The following TGM7 variants were observed in gnomAD, a reference collection of about 807,000 sequenced individuals.
TGM7 encodes protein-glutamine gamma-glutamyltransferase Z.
In TGM7, 74 loss-of-function variants were observed where a neutral mutation model predicts 79.5. The observed-to-expected ratio is 0.93, with a 90% CI of 0.77 to 1.13. The LOEUF (loss-of-function observed/expected upper bound fraction) is 1.13. Among genes scored for constraint, TGM7 ranks in the 50% most tolerant of loss-of-function variants. The pLI is 0.00. For missense variants in TGM7, 912 were observed against 905.9 expected, an observed-to-expected ratio of 1.01 and a Z score of -0.09; for synonymous variants, 354 against 362.5, an observed-to-expected ratio of 0.98 and a Z score of 0.27.
chr15:43,280,552 G>A (rs1347757195), intron 9 of TGM7, among the ~76,000 whole-genome samples: 1 of 152,154 alleles, frequency 6.6e-6, no homozygotes, highest in Non-Finnish European at 1.5e-5. Context: ...GAACCCAGGA[G>A]GTGGAGGTTG....
At position 43,286,252 on chromosome 15, in the gene TGM7, G is replaced by A. The variant is rs563077370; in HGVS notation, c.865+1028C>T. Among the ~76,000 whole-genome samples the A allele has an allele frequency of 5.3e-5, 8 of 152,294 alleles. No individual in the cohort carries two copies. The South Asian group carries it at 1.0e-3, about 20-fold the overall frequency. On this transcript the variant is annotated intron_variant, in intron 6 of 12. Coordinates refer to ENST00000452443, the MANE Select transcript of TGM7 (RefSeq NM_052955.3). Reference sequence around the variant, plus strand: ...TTGGCAGGGGCAGCTCCCCCAGTGCGCAGTGGCCCTGTAACTCGAGCGCCT... The same window carrying A: ...TTGGCAGGGGCAGCTCCCCCAGTGCACAGTGGCCCTGTAACTCGAGCGCCT...
chr15:43,281,363 G>A (rs372086842), intron 9 of TGM7, among the ~76,000 whole-genome samples: 6 of 152,190 alleles, frequency 3.9e-5, no homozygotes, highest in East Asian at 1.9e-4. Flanking sequence ...TGACTCCACC[G>A]CTCCCCTTGC....
At chr15:43,279,554 C>T (rs2042895537) in intron 10 of TGM7, 71 bp downstream of exon 10, 7 of 1,497,512 alleles carry the variant, frequency 4.7e-6, no homozygotes, top group East Asian at 2.3e-5. Flanking sequence ...TGGCTGGGCC[C>T]ACCCCACTGT....
rs765182588 is a variant in TGM7, at chr15:43,284,923, C to G, written c.895G>C (p.Val299Leu). The change falls in exon 7 of 13, where the codon GTT (valine) becomes CTT (leucine). Residue 299 changes from valine to leucine, a missense_variant. Transcript: ENST00000452443. ...VMRCLGVPTR[V>L]VSNFRSAHNV... The stretch of plus-strand genomic sequence containing the variant: ...TGCGCGGAACGGAAATTGGAAACAA[C>G]ACGGGTTGGAACACCTAAGCATCTC... 1 of 1,614,188 alleles carries G rather than the reference C, an allele frequency of 6.2e-7. No homozygotes were observed. The highest frequency in any genetic ancestry group is 8.5e-7 in the Non-Finnish European group (1 of 1,180,026).
At position 43,276,313 on chromosome 15, in the gene TGM7, G is replaced by A; in HGVS notation, c.*142C>T. ...GACATCTTTATTGTCTCTTCCCAAA[G>A]CACACGGTGTTTCTAACAGAGCTTC... On this transcript the variant is annotated 3_prime_UTR_variant, in exon 13 of 13. Coordinates refer to ENST00000452443, the MANE Select transcript of TGM7 (RefSeq NM_052955.3). 1 of 980,222 alleles carries A rather than the reference G, an allele frequency of 1.0e-6. No individual in the cohort carries two copies. Among genetic ancestry groups the A allele is most frequent in the Non-Finnish European group, 1.5e-6 (1 of 663,696 alleles). The allele number at this position is 980,222 out of a possible 1,614,324, so 60.7% of individuals were successfully genotyped here. A position where few individuals can be genotyped will look rare whatever the true frequency, so the allele number is the denominator to read the frequency against.
intron 4 of TGM7, among the ~76,000 whole-genome samples, chr15:43,290,377 A>G (rs1345479534): frequency 6.6e-6 from 1 of 152,130 alleles, no homozygotes; most frequent in Non-Finnish European, 1.5e-5. Flanking sequence ...ATGGTTGTAG[A>G]TATGCAGCAT....
At position 43,293,221 on chromosome 15, in the gene TGM7, G is replaced by A. The variant is rs1343724683; in HGVS notation, c.193+228C>T. 2.6e-5 allele frequency among the ~76,000 whole-genome samples: 4 copies of A among 152,288 alleles called. No individual in the cohort carries two copies. The South Asian group carries it at 8.3e-4, about 32-fold the overall frequency. On this transcript the variant is annotated intron_variant, in intron 2 of 12. Coordinates refer to ENST00000452443, the MANE Select transcript of TGM7 (RefSeq NM_052955.3). ...TGTGTAAAGTTTTAGCACAGTGCTT[G>A]TTGTGTATCTACAGGTCGGTTGTTA...
chr15:43,296,341 C>T (rs530408909), intron 1 of TGM7, among the ~76,000 whole-genome samples: 1 of 147,454 alleles, frequency 6.8e-6, no homozygotes, highest in African/African-American at 2.5e-5. Context: ...AGGAGAATGG[C>T]GTGAACCCGG....
chr15:43,285,694 A>AT (rs1333368223), intron 6 of TGM7, among the ~76,000 whole-genome samples: 1 of 152,224 alleles, frequency 6.6e-6, no homozygotes, highest in African/African-American at 2.4e-5. Context: ...GTCAGCAGAG[A>AT]TAAGAGGAAA....
intron 4 of TGM7, among the ~76,000 whole-genome samples, chr15:43,289,908 G>T (rs1265098284): frequency 6.6e-6 from 1 of 152,104 alleles, no homozygotes; most frequent in Non-Finnish European, 1.5e-5. Flanking sequence ...TTTTGATGGG[G>T]TTGTTTGTTT....
intron 1 of TGM7, among the ~76,000 whole-genome samples, chr15:43,298,710 G>T (rs1273756552): frequency 6.6e-6 from 1 of 151,938 alleles, no homozygotes; most frequent in East Asian, 1.9e-4. Flanking sequence ...CCAAGATCGG[G>T]CCACTGCACT....
intron 9 of TGM7, among the ~76,000 whole-genome samples, chr15:43,280,226 T>C (rs2042901044): frequency 6.6e-6 from 1 of 152,166 alleles, no homozygotes; most frequent in African/African-American, 2.4e-5. Context: ...CACTGTTTTC[T>C]ACCATCACTA....
At chr15:43,280,048 G>T in intron 9 of TGM7, 97 bp from the exon 10 acceptor site, 4 of 1,158,418 alleles carry the variant, frequency 3.5e-6, no homozygotes, top group Non-Finnish European at 5.0e-6. Context: ...GCAGCACAGG[G>T]AGGCGGCGCG....
rs566611494 is a variant in TGM7, at chr15:43,288,688, G to A, written c.559-1019C>T. On this transcript the variant is annotated intron_variant, in intron 4 of 12. Transcript: ENST00000452443. ...GCAGTGGCTGTAATCCCAGTACTTC[G>A]AGAGGCCGAGGCAGGTGGATCACCT... 5.9e-5 allele frequency among the ~76,000 whole-genome samples: 9 copies of A among 152,230 alleles called. No homozygotes were observed. In the East Asian group the frequency reaches 1.2e-3, roughly 20 times the overall value.
chr15:43,295,656 C>A (rs1291037306), intron 1 of TGM7, among the ~76,000 whole-genome samples: 4 of 152,200 alleles, frequency 2.6e-5, no homozygotes, highest in Non-Finnish European at 4.4e-5. Context: ...TACATCTAAT[C>A]TTTGAATAAA....
intron 1 of TGM7, among the ~76,000 whole-genome samples, chr15:43,300,822 T>C (rs1334499162): frequency 6.6e-6 from 1 of 152,142 alleles, no homozygotes; most frequent in Non-Finnish European, 1.5e-5. Flanking sequence ...TATGTGTATA[T>C]ATATAACTGT....
Position 43,282,627 on chromosome 15 carries a change from G to T in TGM7, c.1005-7C>A. The T allele has an allele frequency of 6.3e-7, 1 of 1,584,158 alleles. No individual in the cohort carries two copies. Reference sequence around the variant, plus strand: ...ATTCCAGACGTGGAAGTTCCTGCAGGAGGGAGTAAGGAGACAAGGATTCAT... The same window carrying T: ...ATTCCAGACGTGGAAGTTCCTGCAGTAGGGAGTAAGGAGACAAGGATTCAT... On this transcript the variant is annotated splice_region_variant and splice_polypyrimidine_tract_variant and intron_variant, in intron 7 of 12. Coordinates refer to ENST00000452443, the MANE Select transcript of TGM7 (RefSeq NM_052955.3).
In TGM7 at chr15:43,287,607, C is replaced by A. The variant is rs1210264011; in HGVS notation, c.621G>T (p.Lys207Asn). Reference protein sequence around the residue: ...EILNKSLYHLKNPAKDCSQRN... With the variant: ...EILNKSLYHLNNPAKDCSQRN... ...GCTGGGAACAGTCTTTGGCCGGGTT[C>A]TTTAAGTGATACAGGCTCTTGTTCA... The change falls in exon 5 of 13, where the codon AAG becomes AAT. Residue 207 changes from lysine to asparagine, a missense_variant. Transcript: ENST00000452443. 6.2e-7 allele frequency: 1 copy of A among 1,614,136 alleles called. No homozygotes were observed. The highest frequency in any genetic ancestry group is 1.3e-5 in the African/African-American group (1 of 75,026).
At chr15:43,279,373 G>A in intron 10 of TGM7, 96 bp from the exon 11 acceptor site, 2 of 1,391,624 alleles carry the variant, frequency 1.4e-6, no homozygotes, top group Non-Finnish European at 2.0e-6. Context: ...ATTTTCACGT[G>A]AGAGGTAAAA....
Sources: allele counts gnomAD v4.1 joint callset (sites outside exome capture counted in the v4.1 genomes callset), GRCh38; gene constraint gnomAD v4.1.1; transcripts MANE v1.5; gene names NCBI Gene and HGNC (gene_info 2026-07-23, HGNC 2026-07-21).